The following DOP1B variants were observed in gnomAD, a reference collection of about 807,000 sequenced individuals.
DOP1B encodes the protein DOP1 leucine zipper like protein B, also known as protein DOP1B.
Under a neutral mutation model 233.5 loss-of-function variants are expected in DOP1B, and 174 were observed. The ratio of observed to expected loss-of-function variants is 0.75; its 90% CI spans 0.66 to 0.85. The LOEUF (loss-of-function observed/expected upper bound fraction) is 0.85, where lower values mean the gene tolerates loss of function less well. DOP1B is among the 40% of genes least tolerant of loss of function. The pLI is 0.00. For missense variants in DOP1B, 2,652 were observed against 2,846.6 expected (o/e 0.93, Z 1.56); for synonymous variants, 1,190 against 1,185.6 (o/e 1.00, Z -0.08).
At chr21:36,260,267 GA>G (rs372025629) in intron 23 of DOP1B, among the ~76,000 whole-genome samples, 58,030 of 111,524 alleles carry the variant, frequency 0.52, 11,961 homozygotes, top group African/African-American at 0.59. Flanking sequence ...AGGAAGGAAG[GA>G]AAGAAAGAAA....
At chr21:36,164,277 C>T (rs868742171) in intron 1 of DOP1B, among the ~76,000 whole-genome samples, 2 of 152,282 alleles carry the variant, frequency 1.3e-5, no homozygotes, top group South Asian at 4.1e-4. Context: ...GACCCGTGAT[C>T]GTGCCACTGC....
intron 9 of DOP1B, 89 bp downstream of exon 9, chr21:36,214,645 G>C: frequency 9.0e-7 from 1 of 1,109,730 alleles, no homozygotes; most frequent in Non-Finnish European, 1.3e-6. Context: ...CAACCAAAGC[G>C]TTATTTTGAA....
intron 2 of DOP1B, among the ~76,000 whole-genome samples, chr21:36,175,118 T>TC (rs1353683457): frequency 4.7e-5 from 7 of 148,844 alleles, no homozygotes; most frequent in South Asian, 2.1e-4. Flanking sequence ...TTCTTCTTCT[T>TC]TTTTTTTTTT....
At chr21:36,256,298 GGGTGT>G (rs2067096875) in intron 23 of DOP1B, among the ~76,000 whole-genome samples, 4 of 152,170 alleles carry the variant, frequency 2.6e-5, no homozygotes, top group Admixed American at 2.6e-4. Context: ...AAAATTAGCT[GGGTGT>G]GGTAGTGCAC....
intron 13 of DOP1B, among the ~76,000 whole-genome samples, chr21:36,228,790 A>AAAT (rs1287447499): frequency 1.3e-5 from 1 of 78,002 alleles, no homozygotes; most frequent in Non-Finnish European, 2.2e-5. Context: ...AAATAAAATA[A>AAAT]AATAAAATAA....
rs551360940 is a variant in DOP1B at position 36,284,744 on chromosome 21, A to G, written c.6160+3133A>G. Among the ~76,000 whole-genome samples the G allele has an allele frequency of 3.3e-5, 5 of 152,074 alleles. No individual in the cohort carries two copies. The East Asian group carries it at 9.6e-4, about 29-fold the overall frequency. On this transcript the variant is annotated intron_variant, in intron 32 of 36. Transcript: ENST00000691173. Reference sequence around the variant, plus strand: ...CATGGTAGAGTTTAAACACCCAGCAATTCTGAGAAATTATTTCTCTGAGAG... The same window carrying G: ...CATGGTAGAGTTTAAACACCCAGCAGTTCTGAGAAATTATTTCTCTGAGAG...
intron 9 of DOP1B, among the ~76,000 whole-genome samples, chr21:36,215,618 T>C (rs2066550224): frequency 2.6e-5 from 4 of 151,602 alleles, no homozygotes; most frequent in Non-Finnish European, 4.4e-5. Flanking sequence ...TTGGCTAAGC[T>C]GGTCTCAAAC....
intron 27 of DOP1B, among the ~76,000 whole-genome samples, chr21:36,271,225 T>C (rs555946984): frequency 1.3e-5 from 2 of 150,210 alleles, no homozygotes; most frequent in Non-Finnish European, 2.9e-5. Context: ...TTTTTGTTTT[T>C]TTGAGACAGA....
chr21:36,179,902 G>T (rs1420377354), intron 2 of DOP1B, among the ~76,000 whole-genome samples: 1 of 152,180 alleles, frequency 6.6e-6, no homozygotes, highest in Non-Finnish European at 1.5e-5. Flanking sequence ...GCTAGAGGTG[G>T]AGTAGCTGGG....
intron 21 of DOP1B, among the ~76,000 whole-genome samples, chr21:36,249,417 G>A (rs1286737178): frequency 6.6e-6 from 1 of 152,152 alleles, no homozygotes; most frequent in Non-Finnish European, 1.5e-5. Flanking sequence ...GACAGAGTGA[G>A]ACCCTGTCTC....
At chr21:36,221,798 G>A (rs181609171) in intron 10 of DOP1B, among the ~76,000 whole-genome samples, 2 of 151,846 alleles carry the variant, frequency 1.3e-5, no homozygotes, top group East Asian at 3.9e-4. Context: ...GGCTGGCCTC[G>A]AATTCCTGAC....
At chr21:36,241,377 G>A (rs978153752) in intron 18 of DOP1B, among the ~76,000 whole-genome samples, 2 of 151,820 alleles carry the variant, frequency 1.3e-5, no homozygotes, top group South Asian at 2.1e-4. Context: ...AACGCTGTTC[G>A]AGAAGTTGAA....
chr21:36,227,082 C>T (rs1305567265), intron 12 of DOP1B, among the ~76,000 whole-genome samples: 15 of 151,144 alleles, frequency 9.9e-5, no homozygotes, highest in Admixed American at 9.3e-4. Flanking sequence ...GTGGCGGGCG[C>T]CTGTAGTCCC....
At chr21:36,172,782 C>T (rs751463525) in intron 2 of DOP1B, among the ~76,000 whole-genome samples, 3 of 151,540 alleles carry the variant, frequency 2.0e-5, no homozygotes, top group Admixed American at 1.3e-4. Flanking sequence ...CTTTGGTGAT[C>T]GTCACATTTC....
intron 25 of DOP1B, 39 bp downstream of exon 25, chr21:36,263,689 C>T (rs766273048): frequency 6.2e-7 from 1 of 1,612,938 alleles, no homozygotes; most frequent in Admixed American, 1.7e-5. Flanking sequence ...AATATTTTCT[C>T]TTGGCACATA....
intron 2 of DOP1B, among the ~76,000 whole-genome samples, chr21:36,188,960 A>G (rs1361398551): frequency 6.6e-6 from 1 of 152,234 alleles, no homozygotes; most frequent in South Asian, 2.1e-4. Flanking sequence ...TAAAATACAT[A>G]TAAACAAATT....
At chr21:36,209,526 C>T (rs1035354229) in intron 5 of DOP1B, among the ~76,000 whole-genome samples, 6 of 152,210 alleles carry the variant, frequency 3.9e-5, no homozygotes, top group Non-Finnish European at 7.3e-5. Context: ...GCTGCATTGG[C>T]GGGTCTTTGT....
Position 36,200,501 on chromosome 21 carries a change from G to A in DOP1B, c.491G>A (p.Arg164Lys), listed in dbSNP as rs1332095910. ...GLEEGSEISD[R>K]TDALLLRLSL... ...GAAGAGGGCTCCGAGATCTCCGACA[G>A]GTGCGTGGGCGTCTTGTCCAGGCTG... is the stretch of plus-strand genomic sequence containing the variant. The change falls in exon 4 of 37, where the codon AGA becomes AAA. Residue 164 changes from arginine (R) to lysine (K), a missense_variant and splice_region_variant. Arg to Lys is a conservative substitution (Grantham distance 26, BLOSUM62 2). This residue lies in a region of DOP1B where 2,617 missense variants were observed against 2,794.3 expected (regional missense o/e 0.94). Coordinates refer to ENST00000691173, the MANE Select transcript of DOP1B (RefSeq NM_001320714.2). 2 of 1,602,914 alleles carry A rather than the reference G, an allele frequency of 1.2e-6. No homozygotes were observed. The highest frequency in any genetic ancestry group is 1.7e-5 in the Admixed American group (1 of 57,586).
In DOP1B at chr21:36,214,146, T is replaced by G. The variant is rs1276806411; in HGVS notation, c.970T>G (p.Ser324Ala). 1 of 1,613,922 alleles carries G rather than the reference T, an allele frequency of 6.2e-7. No homozygotes were observed. Among genetic ancestry groups the G allele is most frequent in the Non-Finnish European group, 8.5e-7 (1 of 1,179,984 alleles). ...AATCTCAAATTCTTATGAAGACCAGTCGTCTTATTTTTTTGAAAAATACTC... is the reference window on the plus strand; with the variant it reads ...AATCTCAAATTCTTATGAAGACCAGGCGTCTTATTTTTTTGAAAAATACTC... ...SEISNSYEDQ[S>A]SYFFEKYSKD... Residue 324 changes from serine (S) to alanine (A), a missense_variant, in exon 8 of 37, where the codon TCG becomes GCG. Ser to Ala is a moderately conservative substitution (Grantham distance 99). This residue lies in a region of DOP1B where 2,617 missense variants were observed against 2,794.3 expected (regional missense o/e 0.94). Coordinates refer to ENST00000691173, the MANE Select transcript of DOP1B (RefSeq NM_001320714.2).
Sources: gnomAD v4.1 joint callset for allele counts (sites outside exome capture counted in the v4.1 genomes callset) on GRCh38, gnomAD v4.1.1 for gene constraint, gnomAD v4.1.1 regional missense constraint, MANE v1.5 for transcripts, NCBI Gene and HGNC (gene_info 2026-07-23, HGNC 2026-07-21) for gene names.